ARK2C: variants seen among roughly 807,000 people sequenced by gnomAD.
The protein encoded by ARK2C is E3 ubiquitin-protein ligase ARK2C.
the ARK2C span, chr18:46,435,442 G>A: frequency 4.2e-6 from 6 of 1,428,374 alleles, no homozygotes; most frequent in Non-Finnish European, 5.9e-6. Context: ...AAGGGAGGGA[G>A]GAGGGAGGTC....
chr18:46,343,579 TA>T, the ARK2C span, among the ~76,000 whole-genome samples: 1 of 152,200 alleles, frequency 6.6e-6, no homozygotes, highest in Non-Finnish European at 1.5e-5. Context: ...TCTCTGCCAG[TA>T]ACTACCCGTG....
At chr18:46,353,467 G>A in the ARK2C span, among the ~76,000 whole-genome samples, 2 of 152,180 alleles carry the variant, frequency 1.3e-5, no homozygotes, top group Non-Finnish European at 2.9e-5. Context: ...GTGAAAATCT[G>A]TGTAGCTTTT....
At chr18:46,384,847 T>G in the ARK2C span, among the ~76,000 whole-genome samples, 8 of 152,160 alleles carry the variant, frequency 5.3e-5, no homozygotes, top group South Asian at 4.1e-4. Flanking sequence ...CAAGACCCTG[T>G]CTCTACAAAA....
chr18:46,347,597 T>C, the ARK2C span, among the ~76,000 whole-genome samples: 12 of 152,060 alleles, frequency 7.9e-5, no homozygotes, highest in Admixed American at 2.0e-4. Flanking sequence ...AGTTTAATCC[T>C]CATCTGGATT....
chr18:46,450,784 C>G, the ARK2C span: 1 of 1,613,362 alleles, frequency 6.2e-7, no homozygotes, highest in Non-Finnish European at 8.5e-7. Context: ...TCACCTTCCC[C>G]CACAAGTATA....
the ARK2C span, among the ~76,000 whole-genome samples, chr18:46,355,090 CG>C: frequency 6.6e-6 from 1 of 151,984 alleles, no homozygotes; most frequent in South Asian, 2.1e-4. Context: ...GCTAGGACTA[CG>C]GGAACATGCC....
At chr18:46,364,822 T>A in the ARK2C span, among the ~76,000 whole-genome samples, 1 of 152,136 alleles carries the variant, frequency 6.6e-6, no homozygotes, top group African/African-American at 2.4e-5. Context: ...ACTGGATATC[T>A]CTGGGCTCCT....
At chr18:46,432,195 T>A in the ARK2C span, among the ~76,000 whole-genome samples, 1 of 152,220 alleles carries the variant, frequency 6.6e-6, no homozygotes, top group Non-Finnish European at 1.5e-5. Context: ...GAGCTGGATT[T>A]TTGCTTAGAG....
At chr18:46,373,034 G>C in the ARK2C span, among the ~76,000 whole-genome samples, 1 of 152,266 alleles carries the variant, frequency 6.6e-6, no homozygotes, top group Non-Finnish European at 1.5e-5. Context: ...GTGTGTGTGT[G>C]TGTACGTGTG....
At chr18:46,390,055 G>A in the ARK2C span, among the ~76,000 whole-genome samples, 1 of 152,140 alleles carries the variant, frequency 6.6e-6, no homozygotes, top group African/African-American at 2.4e-5. Flanking sequence ...CAGAGGCTCT[G>A]TTCCCCAATT....
the ARK2C span, among the ~76,000 whole-genome samples, chr18:46,409,598 G>T: frequency 6.6e-6 from 1 of 152,186 alleles, no homozygotes; most frequent in Non-Finnish European, 1.5e-5. Context: ...AAGTTGTGGT[G>T]CAGAGGAGGG....
At chr18:46,370,674 G>A in the ARK2C span, among the ~76,000 whole-genome samples, 1 of 152,186 alleles carries the variant, frequency 6.6e-6, no homozygotes, top group African/African-American at 2.4e-5. Context: ...GGTGCTAAGG[G>A]GATCAAGGAA....
chr18:46,405,660 G>A, the ARK2C span, among the ~76,000 whole-genome samples: 2 of 152,176 alleles, frequency 1.3e-5, no homozygotes, highest in African/African-American at 2.4e-5. Context: ...GAGGGGTAGG[G>A]TTGGGGAGGA....
At chr18:46,421,382 T>C in the ARK2C span, among the ~76,000 whole-genome samples, 1 of 152,170 alleles carries the variant, frequency 6.6e-6, no homozygotes, top group Non-Finnish European at 1.5e-5. Context: ...ATTCATTCAT[T>C]CATTCATTCA....
chr18:46,358,696 C>T, the ARK2C span, among the ~76,000 whole-genome samples: 1 of 152,072 alleles, frequency 6.6e-6, no homozygotes, highest in Non-Finnish European at 1.5e-5. Context: ...CTGACAGGTT[C>T]CAGACCCCCA....
chr18:46,425,486 G>A, the ARK2C span, among the ~76,000 whole-genome samples: 1 of 152,204 alleles, frequency 6.6e-6, no homozygotes, highest in African/African-American at 2.4e-5. Context: ...TTTCCTTGGA[G>A]GACTGGAAGG....
the ARK2C span, chr18:46,334,715 TGAGAGAGAGA>T: frequency 6.4e-5 from 8 of 124,436 alleles, no homozygotes; most frequent in Middle Eastern, 2.6e-3. This position sits in a 1 kb window ranked among gnomAD's most constrained non-coding sequence, Gnocchi z 4.4. Flanking sequence ...TGTGTGTGTG[TGAGAGAGAGA>T]GAGAGCGCGC....
the ARK2C span, among the ~76,000 whole-genome samples, chr18:46,343,829 G>A: frequency 1.3e-5 from 2 of 152,228 alleles, no homozygotes; most frequent in African/African-American, 2.4e-5. Flanking sequence ...TGGGAAGGGA[G>A]CAGTAATTGC....
At chr18:46,409,357 G>A in the ARK2C span, among the ~76,000 whole-genome samples, 1 of 152,210 alleles carries the variant, frequency 6.6e-6, no homozygotes, top group Admixed American at 6.5e-5. Flanking sequence ...AAAGAGGGAA[G>A]GAATGAGCTC....
Sources: allele counts gnomAD v4.1 joint callset (sites outside exome capture counted in the v4.1 genomes callset), GRCh38; gene constraint gnomAD v4.1.1; non-coding constraint Gnocchi (gnomAD v3.1); transcripts MANE v1.5; gene names NCBI Gene and HGNC (gene_info 2026-07-23, HGNC 2026-07-21).